Variants in AUH observed in about 807,000 individuals in gnomAD.
AUH encodes methylglutaconyl-CoA hydratase, mitochondrial.
A neutral mutation model predicts 42.3 loss-of-function variants in AUH; 29 were observed. The observed-to-expected ratio is 0.69, with a 90% CI of 0.51 to 0.93. The LOEUF (loss-of-function observed/expected upper bound fraction) is 0.93. Among genes scored for constraint, AUH ranks in the 40% least tolerant of loss-of-function variants. The pLI, the probability that AUH is intolerant of heterozygous loss-of-function variation, is 0.00. For missense variants in AUH, 452 were observed against 438.1 expected, an observed-to-expected ratio of 1.03 and a Z score of -0.28; for synonymous variants, 174 against 166.4, an observed-to-expected ratio of 1.05 and a Z score of -0.35.
intron 3 of AUH, among the ~76,000 whole-genome samples, chr9:91,335,074 T>G (rs1398957868): frequency 6.6e-6 from 1 of 152,220 alleles, no homozygotes; most frequent in African/African-American, 2.4e-5. Flanking sequence ...AGGGGTACCC[T>G]AGCTTCATAA....
intron 3 of AUH, among the ~76,000 whole-genome samples, chr9:91,351,150 T>C (rs1218029885): frequency 6.6e-6 from 1 of 152,134 alleles, no homozygotes; most frequent in African/African-American, 2.4e-5. Flanking sequence ...TAGTATATTT[T>C]TGGAGAGACA....
At chr9:91,216,210 C>T in intron 8 of AUH, 104 bp from the exon 9 acceptor site, 1 of 1,133,928 alleles carries the variant, frequency 8.8e-7, no homozygotes, top group South Asian at 1.3e-5. Context: ...AGCACCCAAT[C>T]CTTTGATATA....
At chr9:91,216,235 A>C in intron 8 of AUH, 129 bp from the exon 9 acceptor site, 1 of 928,904 alleles carries the variant, frequency 1.1e-6, no homozygotes, top group Non-Finnish European at 1.7e-6. Flanking sequence ...AGCAGATCAG[A>C]GTGTGACCAA....
intron 4 of AUH, among the ~76,000 whole-genome samples, chr9:91,322,181 A>G (rs562093742): frequency 6.6e-6 from 1 of 152,220 alleles, no homozygotes; most frequent in Non-Finnish European, 1.5e-5. Flanking sequence ...TACAATCACA[A>G]AAAAGAAAAT....
intron 6 of AUH, among the ~76,000 whole-genome samples, chr9:91,289,981 T>C (rs2131611924): frequency 6.6e-6 from 1 of 152,298 alleles, no homozygotes; most frequent in African/African-American, 2.4e-5. Flanking sequence ...TGAATACTAT[T>C]GAAATTTTTA....
intron 6 of AUH, among the ~76,000 whole-genome samples, chr9:91,221,294 T>A (rs552171440): frequency 6.6e-6 from 1 of 152,210 alleles, no homozygotes; most frequent in African/African-American, 2.4e-5. Flanking sequence ...TCAGTAACCA[T>A]CAGGTGAACA....
intron 6 of AUH, among the ~76,000 whole-genome samples, chr9:91,234,900 G>A (rs1828090891): frequency 6.7e-6 from 1 of 149,728 alleles, no homozygotes; most frequent in East Asian, 2.0e-4. Context: ...CTTGATAAAG[G>A]TGAGGCCAAT....
chr9:91,334,121 A>G (rs561009206), intron 3 of AUH, among the ~76,000 whole-genome samples: 2 of 152,318 alleles, frequency 1.3e-5, no homozygotes, highest in African/African-American at 2.4e-5. Context: ...TTTAAGTCAC[A>G]TCAGTCAGAA....
At chr9:91,286,955 C>T (rs529531516) in intron 6 of AUH, among the ~76,000 whole-genome samples, 1 of 152,162 alleles carries the variant, frequency 6.6e-6, no homozygotes, top group East Asian at 1.9e-4. Flanking sequence ...TATATACACA[C>T]ACACTAATGA....
intron 6 of AUH, among the ~76,000 whole-genome samples, chr9:91,252,751 T>C (rs890195784): frequency 1.3e-5 from 2 of 152,208 alleles, no homozygotes; most frequent in Non-Finnish European, 2.9e-5. Flanking sequence ...TACATTAGAA[T>C]AAAAGCTATC....
chr9:91,282,616 T>C (rs1360299043), intron 6 of AUH, among the ~76,000 whole-genome samples: 3 of 152,156 alleles, frequency 2.0e-5, no homozygotes, highest in African/African-American at 4.8e-5. Context: ...ACATGTCATC[T>C]ATTAAATCTT....
At chr9:91,342,865 G>C (rs1286023917) in intron 3 of AUH, 1 of 152,414 alleles carries the variant, frequency 6.6e-6, no homozygotes, top group African/African-American at 2.4e-5. Context: ...ACCCCTTTGA[G>C]ACAGCAAGAC....
At chr9:91,215,838 TA>T (rs975379830) in intron 9 of AUH, among the ~76,000 whole-genome samples, 7 of 152,116 alleles carry the variant, frequency 4.6e-5, no homozygotes, top group African/African-American at 1.7e-4. Flanking sequence ...TCAGTTACTC[TA>T]AGAGTTTTCT....
chr9:91,244,493 A>C (rs955526440), intron 6 of AUH, among the ~76,000 whole-genome samples: 2 of 152,236 alleles, frequency 1.3e-5, no homozygotes, highest in Non-Finnish European at 2.9e-5. Flanking sequence ...TTTAGTTTTC[A>C]TATTTCAAAA....
intron 6 of AUH, among the ~76,000 whole-genome samples, chr9:91,256,543 C>T (rs1326377624): frequency 6.6e-6 from 1 of 152,018 alleles, no homozygotes; most frequent in African/African-American, 2.4e-5. Flanking sequence ...GTAGTCTTAA[C>T]AAGGAGGGCT....
intron 4 of AUH, among the ~76,000 whole-genome samples, chr9:91,302,884 A>G (rs556547198): frequency 1.3e-5 from 2 of 152,376 alleles, no homozygotes; most frequent in South Asian, 4.1e-4. Context: ...ACAGTTGTAT[A>G]TAAGCACAAA....
chr9:91,341,829 G>A (rs1831127654), intron 3 of AUH, among the ~76,000 whole-genome samples: 1 of 152,330 alleles, frequency 6.6e-6, no homozygotes, highest in South Asian at 2.1e-4. Context: ...ATAGAAAAAT[G>A]TGATGGAGGC....
chr9:91,256,691 A>C (rs1242406652), intron 6 of AUH, among the ~76,000 whole-genome samples: 2 of 152,074 alleles, frequency 1.3e-5, no homozygotes, highest in Non-Finnish European at 2.9e-5. Context: ...CGGCAGACTT[A>C]CTGCACAGCC....
At chr9:91,315,871 A>G (rs186625773) in intron 4 of AUH, among the ~76,000 whole-genome samples, 10 of 152,264 alleles carry the variant, frequency 6.6e-5, no homozygotes, top group Admixed American at 3.9e-4. Context: ...GTGTGTGTGT[A>G]TATGTTGATT....
Sources: gnomAD v4.1 joint callset for allele counts (sites outside exome capture counted in the v4.1 genomes callset) on GRCh38, gnomAD v4.1.1 for gene constraint, MANE v1.5 for transcripts, NCBI Gene and HGNC (gene_info 2026-07-23, HGNC 2026-07-21) for gene names.